The following CADM2 variants were observed in gnomAD, a reference collection of about 807,000 sequenced individuals.
The protein encoded by CADM2 is immunoglobulin superfamily member 4D.
A neutral mutation model predicts 49.8 loss-of-function variants in CADM2; 12 were observed. That is an observed-to-expected ratio of 0.24 (90% confidence interval 0.15 to 0.39). The LOEUF is 0.39. Among genes scored for constraint, CADM2 ranks in the 10% least tolerant of loss-of-function variants. The pLI, the probability that CADM2 is intolerant of heterozygous loss-of-function variation, is 1.00. For synonymous variants in CADM2, 214 were observed against 175.4 expected (o/e 1.22, Z -1.74); for missense variants, 378 against 492.3 (o/e 0.77, Z 2.20).
chr3:85,322,844 TG>T (rs1012736247), intron 1 of CADM2, among the ~76,000 whole-genome samples: 4 of 152,128 alleles, frequency 2.6e-5, no homozygotes, highest in African/African-American at 9.7e-5. Context: ...TTGAATGGAA[TG>T]GGAAATTCAA....
chr3:85,697,084 CAT>C (rs5850712), intron 1 of CADM2, among the ~76,000 whole-genome samples: 7,864 of 35,462 alleles, frequency 0.22, 336 homozygotes, highest in Middle Eastern at 0.3. Flanking sequence ...ATATATATGC[CAT>C]ATATATATAT....
At chr3:84,992,444 T>C (rs895679633) in intron 1 of CADM2, among the ~76,000 whole-genome samples, 1 of 151,888 alleles carries the variant, frequency 6.6e-6, no homozygotes, top group Non-Finnish European at 1.5e-5. Context: ...TCCTGGCCAA[T>C]GTGGTGAAAC....
intron 2 of CADM2, among the ~76,000 whole-genome samples, chr3:85,732,649 T>A (rs554175362): frequency 6.6e-6 from 1 of 152,308 alleles, no homozygotes; most frequent in Non-Finnish European, 1.5e-5. Flanking sequence ...TAAGTAACAA[T>A]GATAATTATA....
intron 7 of CADM2, among the ~76,000 whole-genome samples, chr3:85,958,297 A>G (rs147182923): frequency 2.6e-3 from 388 of 152,150 alleles, no homozygotes; most frequent in African/African-American, 7.9e-3. Flanking sequence ...TCAAGAAGCA[A>G]TAGATGCTGG....
intron 1 of CADM2, among the ~76,000 whole-genome samples, chr3:85,141,495 G>C (rs1229501224): frequency 6.6e-6 from 1 of 152,090 alleles, no homozygotes; most frequent in Non-Finnish European, 1.5e-5. Flanking sequence ...GGAAAAAGAT[G>C]CTTCTAAAAA....
intron 1 of CADM2, among the ~76,000 whole-genome samples, chr3:85,498,734 A>G (rs1443159338): frequency 6.6e-6 from 1 of 152,174 alleles, no homozygotes; most frequent in East Asian, 1.9e-4. Flanking sequence ...TGATAAGCTG[A>G]GAGAAATACC....
chr3:85,122,758 C>T (rs1325235661), intron 1 of CADM2, among the ~76,000 whole-genome samples: 5 of 152,042 alleles, frequency 3.3e-5, no homozygotes, highest in African/African-American at 1.2e-4. Flanking sequence ...TTCCTTTTCC[C>T]TGATAGTATC....
chr3:85,042,103 A>G (rs981252911), intron 1 of CADM2, among the ~76,000 whole-genome samples: 5 of 152,188 alleles, frequency 3.3e-5, no homozygotes, highest in African/African-American at 1.2e-4. Flanking sequence ...TCAGGGGCCA[A>G]AAATAATTTC....
At chr3:85,582,013 A>T (rs4355295) in intron 1 of CADM2, among the ~76,000 whole-genome samples, 45,190 of 151,502 alleles carry the variant, frequency 0.3, 7,931 homozygotes, top group East Asian at 0.55. Context: ...TGCAACCTCC[A>T]CCTCCTGAGT....
At chr3:85,647,292 G>T (rs1335673580) in intron 1 of CADM2, among the ~76,000 whole-genome samples, 1 of 151,608 alleles carries the variant, frequency 6.6e-6, no homozygotes, top group African/African-American at 2.4e-5. Flanking sequence ...AAACCATTTT[G>T]TAATCCTCAA....
chr3:86,048,544 A>G (rs1427418676), intron 8 of CADM2, among the ~76,000 whole-genome samples: 2 of 152,134 alleles, frequency 1.3e-5, no homozygotes, highest in African/African-American at 4.8e-5. Flanking sequence ...TTAAATTAAA[A>G]AGCTATTAAA....
intron 1 of CADM2, among the ~76,000 whole-genome samples, chr3:85,562,433 G>A (rs1213797902): frequency 3.8e-5 from 5 of 130,926 alleles, no homozygotes; most frequent in Admixed American, 9.1e-5. Context: ...AGCTGAGATA[G>A]TGCCATTGCA....
At chr3:85,976,199 C>T (rs1477968716) in intron 8 of CADM2, among the ~76,000 whole-genome samples, 2 of 151,538 alleles carry the variant, frequency 1.3e-5, no homozygotes, top group African/African-American at 4.8e-5. Flanking sequence ...AAATGGGCTG[C>T]AGTTTCCACC....
At chr3:85,414,392 T>C (rs2107478975) in intron 1 of CADM2, among the ~76,000 whole-genome samples, 1 of 152,244 alleles carries the variant, frequency 6.6e-6, no homozygotes, top group South Asian at 2.1e-4. Flanking sequence ...TTTAGAAACA[T>C]GTAGTGTGTC....
chr3:85,941,651 A>G (rs1721928500), intron 7 of CADM2, among the ~76,000 whole-genome samples: 1 of 152,060 alleles, frequency 6.6e-6, no homozygotes, highest in South Asian at 2.1e-4. Flanking sequence ...ATCAATTTGC[A>G]AGGAACAGAA....
At chr3:86,060,131 T>G (rs1181823317) in intron 8 of CADM2, among the ~76,000 whole-genome samples, 1 of 152,050 alleles carries the variant, frequency 6.6e-6, no homozygotes, top group Non-Finnish European at 1.5e-5. Context: ...AATCTATCTC[T>G]GAATGTATCT....
chr3:85,897,832 A>C (rs1715461616), intron 5 of CADM2, among the ~76,000 whole-genome samples: 1 of 152,212 alleles, frequency 6.6e-6, no homozygotes, highest in Non-Finnish European at 1.5e-5. Flanking sequence ...CTTTGAAATT[A>C]AACATAAAAG....
At chr3:85,857,809 G>A (rs911819108) in intron 3 of CADM2, among the ~76,000 whole-genome samples, 6 of 152,054 alleles carry the variant, frequency 3.9e-5, no homozygotes, top group African/African-American at 1.2e-4. Flanking sequence ...AAATTTAATT[G>A]AATTGAATTT....
intron 1 of CADM2, among the ~76,000 whole-genome samples, chr3:85,014,663 C>T (rs73843265): frequency 0.021 from 3,195 of 152,190 alleles, 124 homozygotes; most frequent in African/African-American, 0.073. Context: ...CAGGGTCTCT[C>T]ACAAGATTGC....
Sources: gnomAD v4.1 joint callset for allele counts (sites outside exome capture counted in the v4.1 genomes callset) on GRCh38, gnomAD v4.1.1 for gene constraint, MANE v1.5 for transcripts, NCBI Gene and HGNC (gene_info 2026-07-23, HGNC 2026-07-21) for gene names.